The following MYH14 variants were observed in gnomAD, a reference collection of about 807,000 sequenced individuals.
MYH14 encodes the protein myosin-14.
A neutral mutation model predicts 255.5 loss-of-function variants in MYH14; 123 were observed. The ratio of observed to expected loss-of-function variants is 0.48; its 90% CI spans 0.42 to 0.56. The LOEUF is 0.56. Ranked by LOEUF, MYH14 falls within the 20% of genes least tolerant of loss-of-function variation. The probability of loss-of-function intolerance (pLI) is 0.00; values close to 1 mark genes in which losing one functional copy is unlikely to be tolerated. For synonymous variants in MYH14, 1,095 were observed against 1,161.2 expected (o/e 0.94, Z 1.16); for missense variants, 2,423 against 2,802.3 (o/e 0.86, Z 3.06).
chr19:50,213,486 T>C (rs1433367814), intron 2 of MYH14, among the ~76,000 whole-genome samples: 1 of 152,062 alleles, frequency 6.6e-6, no homozygotes, highest in Non-Finnish European at 1.5e-5. Context: ...GGAGAAAAAG[T>C]GGTAGGGCCT....
intron 34 of MYH14, 76 bp from the exon 35 acceptor site, chr19:50,289,360 T>A: frequency 1.7e-6 from 2 of 1,208,044 alleles, no homozygotes; most frequent in Non-Finnish European, 2.4e-6. Context: ...CCATCAAATC[T>A]TCCCCTACTC....
chr19:50,218,559 C>T (rs1367947769), intron 3 of MYH14, among the ~76,000 whole-genome samples: 1 of 151,888 alleles, frequency 6.6e-6, no homozygotes, highest in Admixed American at 6.6e-5. Context: ...GATCGCGCCA[C>T]TGCACTCCAG....
chr19:50,251,870 G>A (rs1045932691), intron 15 of MYH14, among the ~76,000 whole-genome samples: 3 of 152,150 alleles, frequency 2.0e-5, no homozygotes, highest in Non-Finnish European at 2.9e-5. Context: ...GAGCCACCGC[G>A]CCCAGCCCTA....
chr19:50,291,135 C>T (rs2036062429), intron 36 of MYH14, 87 bp downstream of exon 36: 1 of 1,357,678 alleles, frequency 7.4e-7, no homozygotes, highest in Admixed American at 2.4e-5. Context: ...CTAGCTCGGA[C>T]CCCTCGCTCT....
intron 11 of MYH14, among the ~76,000 whole-genome samples, chr19:50,244,554 G>A (rs1248277463): frequency 6.9e-6 from 1 of 144,684 alleles, no homozygotes; most frequent in Non-Finnish European, 1.5e-5. Flanking sequence ...CGTGATCTCA[G>A]CTCACTGCAA....
chr19:50,271,737 G>T (rs2035309163), intron 25 of MYH14, 112 bp from the exon 26 acceptor site: 2 of 1,520,330 alleles, frequency 1.3e-6, no homozygotes, highest in East Asian at 4.8e-5. Flanking sequence ...TCAGAGAAGG[G>T]TGAAAAGGAG....
At chr19:50,254,940 C>G (rs1379146796) in intron 16 of MYH14, among the ~76,000 whole-genome samples, 4 of 152,166 alleles carry the variant, frequency 2.6e-5, no homozygotes, top group African/African-American at 9.7e-5. Flanking sequence ...CAGACACAAC[C>G]TCTAGAGGGA....
chr19:50,248,898 G>A (rs762159932), intron 12 of MYH14, 89 bp from the exon 13 acceptor site: 70 of 1,442,714 alleles, frequency 4.9e-5, no homozygotes, highest in Non-Finnish European at 6.5e-5. Flanking sequence ...TAAGGGGGAC[G>A]AGCTGGGGGC....
chr19:50,293,161 C>T lies in MYH14; in HGVS notation c.5257-72C>T. On this transcript the variant is annotated intron_variant, in intron 37 of 42. Transcript: ENST00000642316. This position sits in a 1 kb window ranked among gnomAD's most constrained non-coding sequence, Gnocchi z 4.1. ...GCCAAGAGCCTTGAGGTGTGAGGGA[C>T]AGAGAAAGGGGTGAGACCCGTGCCC... The T allele has an allele frequency of 9.1e-7, 1 of 1,098,890 alleles. No individual in the cohort carries two copies. The highest frequency in any genetic ancestry group is 1.4e-6 in the Non-Finnish European group (1 of 733,446). 68.1% of individuals were successfully genotyped at this position (1,098,890 alleles called of 1,614,324 possible). A position where few individuals can be genotyped will look rare whatever the true frequency, so the allele number is the denominator to read the frequency against.
intron 2 of MYH14, among the ~76,000 whole-genome samples, chr19:50,216,026 G>A (rs2032455432): frequency 6.6e-6 from 1 of 152,320 alleles, no homozygotes; most frequent in East Asian, 1.9e-4. Context: ...GGCTAGTTTA[G>A]CTAGCTAACT....
In MYH14 at chr19:50,293,452, G is replaced by A. The variant is rs2036156877; in HGVS notation, c.5346-112G>A. ...CGGGGTTAACCTCGGGGCCCCTGGG[G>A]TGTGAGGCTGGGGAGATGCGTGGGG... On this transcript the variant is annotated intron_variant, in intron 38 of 42. Transcript: ENST00000642316. The surrounding 1 kb of genome is among the most constrained non-coding windows in gnomAD (Gnocchi z 4.1). 1 of 1,543,016 alleles carries A rather than the reference G, an allele frequency of 6.5e-7. No homozygotes were observed. The highest frequency in any genetic ancestry group is 8.8e-7 in the Non-Finnish European group (1 of 1,137,070).
chr19:50,276,213 G>C lies in MYH14; in HGVS notation c.3680+10G>C. 1 of 1,525,242 alleles carries C rather than the reference G, an allele frequency of 6.6e-7. No homozygotes were observed. The highest frequency in any genetic ancestry group is 8.8e-7 in the Non-Finnish European group (1 of 1,133,864). The allele number at this position is 1,525,242 out of a possible 1,614,324, so 94.5% of individuals were successfully genotyped here. A position where few individuals can be genotyped will look rare whatever the true frequency, so the allele number is the denominator to read the frequency against. On this transcript the variant is annotated intron_variant, in intron 28 of 42. Coordinates refer to ENST00000642316, the MANE Select transcript of MYH14 (RefSeq NM_001145809.2). The surrounding 1 kb of genome is among the most constrained non-coding windows in gnomAD (Gnocchi z 4.3). The stretch of plus-strand genomic sequence containing the variant: ...CACAGCAGGAGCTCCGGTGAGGCCC[G>C]GTGGCAGGCCGCTGTCACAGCCTGT...
rs796979424 is a variant in MYH14, at chr19:50,266,591, A to G, written c.2695-286A>G. On this transcript the variant is annotated intron_variant, in intron 22 of 42. Coordinates refer to ENST00000642316, the MANE Select transcript of MYH14 (RefSeq NM_001145809.2). This position sits in a 1 kb window ranked among gnomAD's most constrained non-coding sequence, Gnocchi z 4.1. ...GAAGGAAGGGAGGAAAAAAGGAAGGAAGGAAGGACTGTTCCACAGAATAGC... is the reference window on the plus strand; with the variant it reads ...GAAGGAAGGGAGGAAAAAAGGAAGGGAGGAAGGACTGTTCCACAGAATAGC... 6.6e-5 allele frequency among the ~76,000 whole-genome samples: 10 copies of G among 152,164 alleles called. No homozygotes were observed. Among genetic ancestry groups the G allele is most frequent in the African/African-American group, 2.4e-4 (10 of 41,478 alleles).
At chr19:50,305,515 C>G (rs1289131762) in intron 40 of MYH14, among the ~76,000 whole-genome samples, 1 of 152,062 alleles carries the variant, frequency 6.6e-6, no homozygotes, top group South Asian at 2.1e-4. Flanking sequence ...GGTTCTCAGT[C>G]CACAGGGTCA....
Position 50,276,121 on chromosome 19 carries a change from C to T in MYH14, c.3598C>T (p.Arg1200Trp), listed in dbSNP as rs1053478443. Residue 1200 changes from arginine to tryptophan, a missense_variant, in exon 28 of 43, where the codon CGG becomes TGG. By Grantham distance (101) the Arg-to-Trp change is moderately radical. Transcript: ENST00000642316. This position sits in a 1 kb window ranked among gnomAD's most constrained non-coding sequence, Gnocchi z 4.3. ...VARTKAEKQR[R>W]DLGEELEALR... ...CAGGACCAAGGCGGAGAAGCAGCGC[C>T]GGGACCTGGGCGAGGAGCTGGAGGC... 6.3e-6 allele frequency: 10 copies of T among 1,597,796 alleles called. No individual in the cohort carries two copies. Among genetic ancestry groups the T allele is most frequent in the Admixed American group, 5.2e-5 (3 of 57,570 alleles).
At chr19:50,265,251 C>A (rs2035039894) in intron 22 of MYH14, among the ~76,000 whole-genome samples, 1 of 152,078 alleles carries the variant, frequency 6.6e-6, no homozygotes, top group Admixed American at 6.5e-5. Flanking sequence ...GGGGCTCACA[C>A]CTGTAATCCC....
At chr19:50,271,243 G>A (rs753699758) in intron 24 of MYH14, among the ~76,000 whole-genome samples, 166 bp from the exon 25 acceptor site, 1 of 152,120 alleles carries the variant, frequency 6.6e-6, no homozygotes, top group Non-Finnish European at 1.5e-5. Flanking sequence ...GAATGAAATG[G>A]GAAAGCCAAT....
intron 3 of MYH14, among the ~76,000 whole-genome samples, chr19:50,219,086 G>GTA (rs1334980517): frequency 1.1e-4 from 16 of 139,808 alleles, no homozygotes; most frequent in African/African-American, 4.0e-4. Context: ...TCCATGGTGT[G>GTA]TATACACTCA....
At chr19:50,263,109 G>A (rs569454204) in intron 21 of MYH14, among the ~76,000 whole-genome samples, 2 of 152,276 alleles carry the variant, frequency 1.3e-5, no homozygotes, top group Admixed American at 1.3e-4. Flanking sequence ...TGAGGCAGGA[G>A]AATTGCTTGA....
Sources: allele counts gnomAD v4.1 joint callset (sites outside exome capture counted in the v4.1 genomes callset), GRCh38; gene constraint gnomAD v4.1.1; non-coding constraint Gnocchi (gnomAD v3.1); transcripts MANE v1.5; gene names NCBI Gene and HGNC (gene_info 2026-07-23, HGNC 2026-07-21).